FNTB: variants seen among roughly 807,000 people sequenced by gnomAD.
FNTB encodes the protein protein farnesyltransferase subunit beta.
FNTB carries 27 observed loss-of-function variants against 59.4 expected under a neutral mutation model. The ratio of observed to expected loss-of-function variants is 0.45; its 90% CI spans 0.34 to 0.63. FNTB has a LOEUF of 0.63. FNTB is among the 20% of genes least tolerant of loss of function. The pLI is 0.02. For missense variants in FNTB, 449 were observed against 559.6 expected, an observed-to-expected ratio of 0.80 and a Z score of 1.99; for synonymous variants, 230 against 220.7, an observed-to-expected ratio of 1.04 and a Z score of -0.37.
At chr14:65,056,711 C>T (rs2062744767) in intron 11 of FNTB, among the ~76,000 whole-genome samples, 1 of 152,052 alleles carries the variant, frequency 6.6e-6, no homozygotes, top group Non-Finnish European at 1.5e-5. Flanking sequence ...ATTTGTAGTT[C>T]TCTGTATATT....
At chr14:65,017,449 G>A (rs73268780) in intron 4 of FNTB, among the ~76,000 whole-genome samples, 44 of 152,206 alleles carry the variant, frequency 2.9e-4, no homozygotes, top group Admixed American at 2.0e-3. Context: ...AGAATCACAG[G>A]GGGTGCCTGA....
rs1264353065 is a variant in FNTB, at chr14:65,061,757, T to A, written c.*445T>A. ...CTTCATGCCAAGGCTGGGCTTTGGG[T>A]CCCACCAAGATGAGTTCTCTGTAAG... On this transcript the variant is annotated 3_prime_UTR_variant, in exon 12 of 12. Coordinates refer to ENST00000246166, the MANE Select transcript of FNTB (RefSeq NM_002028.4). The A allele has an allele frequency of 6.1e-6, 1 of 164,458 alleles. No homozygotes were observed. The highest frequency in any genetic ancestry group is 2.4e-5 in the African/African-American group (1 of 42,076). The allele number at this position is 164,458 out of a possible 1,614,324, so 10.2% of individuals were successfully genotyped here. A position where few individuals can be genotyped will look rare whatever the true frequency, so the allele number is the denominator to read the frequency against.
intron 4 of FNTB, among the ~76,000 whole-genome samples, chr14:65,026,272 C>T (rs760711163): frequency 3.9e-5 from 6 of 152,154 alleles, no homozygotes; most frequent in Non-Finnish European, 8.8e-5. Context: ...TGGTGCACTT[C>T]GGAAGACCCC....
chr14:65,052,118 CAT>C (rs770418565), intron 9 of FNTB, among the ~76,000 whole-genome samples: 1 of 152,050 alleles, frequency 6.6e-6, no homozygotes, highest in Non-Finnish European at 1.5e-5. Context: ...TATATACTGA[CAT>C]ATATATAAGA....
chr14:65,018,913 C>T (rs762185943), intron 4 of FNTB, among the ~76,000 whole-genome samples: 9 of 151,960 alleles, frequency 5.9e-5, no homozygotes, highest in Non-Finnish European at 1.0e-4. Flanking sequence ...GAGTTTGAGA[C>T]CAGCCTGGCC....
At chr14:65,026,138 C>CTG (rs1302307776) in intron 4 of FNTB, among the ~76,000 whole-genome samples, 2 of 152,162 alleles carry the variant, frequency 1.3e-5, no homozygotes, top group Non-Finnish European at 2.9e-5. Flanking sequence ...AAAGAAGGCC[C>CTG]CATGAACACT....
chr14:65,018,901 G>A (rs1399741191), intron 4 of FNTB, among the ~76,000 whole-genome samples: 2 of 146,704 alleles, frequency 1.4e-5, no homozygotes, highest in South Asian at 2.2e-4. Flanking sequence ...ACCTGAGGTC[G>A]GGAGTTTGAG....
intron 7 of FNTB, among the ~76,000 whole-genome samples, chr14:65,037,064 TC>T (rs1184336167): frequency 1.3e-5 from 2 of 152,132 alleles, no homozygotes; most frequent in Non-Finnish European, 1.5e-5. Context: ...TTACAGTATT[TC>T]TTTGATAATT....
intron 8 of FNTB, among the ~76,000 whole-genome samples, chr14:65,042,815 C>T (rs550709522): frequency 1.6e-4 from 25 of 152,192 alleles, no homozygotes; most frequent in South Asian, 2.1e-4. Context: ...CCCACTGCAG[C>T]GCCTGCTTTC....
chr14:65,006,463 CG>C (rs1555390214), intron 2 of FNTB, among the ~76,000 whole-genome samples: 1 of 152,182 alleles, frequency 6.6e-6, no homozygotes, highest in Non-Finnish European at 1.5e-5. Context: ...CTTGGGAGAA[CG>C]AGCTCTCTTA....
At position 65,061,789 on chromosome 14, in the gene FNTB, G is replaced by A. The variant is rs897024554; in HGVS notation, c.*477G>A. The A allele has an allele frequency of 4.5e-5, 7 of 155,428 alleles. No homozygotes were observed. Among genetic ancestry groups the A allele is most frequent in the African/African-American group, 1.7e-4 (7 of 41,566 alleles). 9.6% of individuals were successfully genotyped at this position (155,428 alleles called of 1,614,324 possible). On this transcript the variant is annotated 3_prime_UTR_variant, in exon 12 of 12. Coordinates refer to ENST00000246166, the MANE Select transcript of FNTB (RefSeq NM_002028.4). ...AAGATGAGTTCTCTGTAAGACTGTG[G>A]TGGAGTTGCACCAGGAGGTGCCTCT... is the stretch of plus-strand genomic sequence containing the variant.
rs2062866374 is a variant in FNTB, at chr14:65,061,592, A to T, written c.*280A>T. 3 of 346,714 alleles carry T rather than the reference A, an allele frequency of 8.7e-6. No individual in the cohort carries two copies. The South Asian group carries it at 1.2e-4, about 14-fold the overall frequency. The allele number at this position is 346,714 out of a possible 1,614,324, so 21.5% of individuals were successfully genotyped here. ...TGCCAGGAGGAAGCAGTCCCTCCTC[A>T]CCAGCTCTCCAGCCAGGACGATCAC... On this transcript the variant is annotated 3_prime_UTR_variant, in exon 12 of 12. Coordinates refer to ENST00000246166, the MANE Select transcript of FNTB (RefSeq NM_002028.4).
In FNTB at chr14:64,991,726, A is replaced by G. The variant is rs139941793; in HGVS notation, c.144+4629A>G. Among the ~76,000 whole-genome samples the G allele has an allele frequency of 2.0e-5, 3 of 152,198 alleles. No homozygotes were observed. The highest frequency in any genetic ancestry group is 7.2e-5 in the African/African-American group (3 of 41,510). Reference sequence around the variant, plus strand: ...TGTGTGGGCTGAGGTGGTCAGGATGACTTCATGGAGAACGTGGAACTGGGT... The same window carrying G: ...TGTGTGGGCTGAGGTGGTCAGGATGGCTTCATGGAGAACGTGGAACTGGGT... On this transcript the variant is annotated intron_variant, in intron 1 of 11. Transcript: ENST00000246166. This position sits in a 1 kb window ranked among gnomAD's most constrained non-coding sequence, Gnocchi z 4.4.
At position 64,991,235 on chromosome 14, in the gene FNTB, G is replaced by A. The variant is rs1888186669; in HGVS notation, c.144+4138G>A. Reference sequence around the variant, plus strand: ...TTGTCAATGAAGTGACTTGAACTCTGAGGGGAATATAAGAGAATTATTAGT... The same window carrying A: ...TTGTCAATGAAGTGACTTGAACTCTAAGGGGAATATAAGAGAATTATTAGT... On this transcript the variant is annotated intron_variant, in intron 1 of 11. Transcript: ENST00000246166. The surrounding 1 kb of genome is among the most constrained non-coding windows in gnomAD (Gnocchi z 4.4). Among the ~76,000 whole-genome samples, 1 of 152,212 alleles carries A rather than the reference G, an allele frequency of 6.6e-6. No individual in the cohort carries two copies. Among genetic ancestry groups the A allele is most frequent in the Non-Finnish European group, 1.5e-5 (1 of 68,026 alleles).
intron 9 of FNTB, among the ~76,000 whole-genome samples, chr14:65,049,828 C>T (rs1035710457): frequency 6.6e-6 from 1 of 152,036 alleles, no homozygotes; most frequent in Non-Finnish European, 1.5e-5. Context: ...TACCACACAA[C>T]TTACCTATTC....
In FNTB at chr14:65,030,739, TAAAAAA is replaced by T. The variant is rs879817148; in HGVS notation, c.606-1864_606-1859del. On this transcript the variant is annotated intron_variant, in intron 6 of 11. Transcript: ENST00000246166. The surrounding 1 kb of genome is among the most constrained non-coding windows in gnomAD (Gnocchi z 4.5). ...TGGGCAACAAAGTGAGATCCTATCT[TAAAAAA>T]AAAAAAGAAGATGGAAACTAGGCCC... Among the ~76,000 whole-genome samples, 1 of 144,678 alleles carries T rather than the reference TAAAAAA, an allele frequency of 6.9e-6. No individual in the cohort carries two copies. Among genetic ancestry groups the T allele is most frequent in the Non-Finnish European group, 1.5e-5 (1 of 65,562 alleles). The allele number at this position is 144,678 out of a possible 152,430, so 94.9% of individuals were successfully genotyped here. A position where few individuals can be genotyped will look rare whatever the true frequency, so the allele number is the denominator to read the frequency against.
intron 4 of FNTB, among the ~76,000 whole-genome samples, chr14:65,025,166 G>A (rs1050812727): frequency 1.3e-5 from 2 of 152,188 alleles, no homozygotes; most frequent in African/African-American, 4.8e-5. Context: ...CATGTCAGCT[G>A]AGGGAGGTTG....
intron 4 of FNTB, among the ~76,000 whole-genome samples, chr14:65,019,126 TTG>T (rs2061838303): frequency 5.3e-5 from 8 of 151,914 alleles, no homozygotes; most frequent in Admixed American, 4.6e-4. Flanking sequence ...TGAGCCAAGA[TTG>T]CACCACTGCA....
rs563364471 is a variant in FNTB, at chr14:65,014,649, A to G, written c.283-976A>G. On this transcript the variant is annotated intron_variant, in intron 3 of 11. Transcript: ENST00000246166. This position sits in a 1 kb window ranked among gnomAD's most constrained non-coding sequence, Gnocchi z 5.1. ...GGCAACATAGTGGGATGCTGTCTCT[A>G]TAAAAACTTAAAAAATTAGCCAGGC... is the stretch of plus-strand genomic sequence containing the variant. Among the ~76,000 whole-genome samples, 2 of 152,242 alleles carry G rather than the reference A, an allele frequency of 1.3e-5. No individual in the cohort carries two copies. Among genetic ancestry groups the G allele is most frequent in the South Asian group, 2.1e-4 (1 of 4,816 alleles).
Sources: allele counts gnomAD v4.1 joint callset (sites outside exome capture counted in the v4.1 genomes callset), GRCh38; gene constraint gnomAD v4.1.1; non-coding constraint Gnocchi (gnomAD v3.1); transcripts MANE v1.5; gene names NCBI Gene and HGNC (gene_info 2026-07-23, HGNC 2026-07-21).